The following NPM2 variants were observed in gnomAD, a reference collection of about 807,000 sequenced individuals.
The protein encoded by NPM2 is nucleophosmin/nucleoplasmin 2, also known as nucleoplasmin-2.
NPM2 carries 25 observed loss-of-function variants against 32.0 expected under a neutral mutation model. That is an observed-to-expected ratio of 0.78 (90% CI 0.57 to 1.09). The LOEUF is 1.09. Among genes scored for constraint, NPM2 ranks in the 50% least tolerant of loss-of-function variants. The probability of loss-of-function intolerance (pLI) is 0.00; values close to 1 mark genes in which losing one functional copy is unlikely to be tolerated. For missense variants in NPM2, 282 were observed against 259.9 expected (o/e 1.08, Z -0.58); for synonymous variants, 111 against 94.2 (o/e 1.18, Z -1.04).
rs763309231 is a variant in NPM2, at chr8:22,034,130, AGGAGGAGGAGGAAGAAGAAGG to A, written c.402_422del (p.Gly136_Glu142del). On this transcript the variant is annotated inframe_deletion, in exon 7 of 10. Transcript: ENST00000518119. ...ACAGAAGCATCAGACCTAACCTGGGAGGAGGAGGAGGAAGAAGAAGGGGAGGAGGAGGAAGAGGAAGAGGAA... is the reference window on the plus strand; with the variant it reads ...ACAGAAGCATCAGACCTAACCTGGGAGGAGGAGGAGGAAGAGGAAGAGGAA... 8 of 1,591,470 alleles carry A rather than the reference AGGAGGAGGAGGAAGAAGAAGG, an allele frequency of 5.0e-6. No homozygotes were observed. The Admixed American group carries it at 6.8e-5, about 14-fold the overall frequency.
At chr8:22,026,454 C>CTTTTTTTTTTTTTT (rs1171179196) in intron 5 of NPM2, among the ~76,000 whole-genome samples, 1 of 111,394 alleles carries the variant, frequency 9.0e-6, no homozygotes, top group Non-Finnish European at 1.8e-5. Context: ...CAGTTCTTGC[C>CTTTTTTTTTTTTTT]TTTTTTTTTT....
rs1335490939 is a variant in NPM2, at chr8:22,025,782, T to G, written c.270+10T>G. ...CTCAGTCCTCCCCATGGTGCGCATT[T>G]CCCTGCTGGCTGGAAGACTGCTGTC... On this transcript the variant is annotated intron_variant, in intron 5 of 9. Transcript: ENST00000518119. 2 of 1,613,736 alleles carry G rather than the reference T, an allele frequency of 1.2e-6. No individual in the cohort carries two copies. Among genetic ancestry groups the G allele is most frequent in the Admixed American group, 3.3e-5 (2 of 59,990 alleles).
At chr8:22,028,079 C>T (rs114111004) in intron 5 of NPM2, among the ~76,000 whole-genome samples, 5,663 of 152,250 alleles carry the variant, frequency 0.037, 341 homozygotes, top group African/African-American at 0.13. Flanking sequence ...GGTCTACCTA[C>T]CATCACATGG....
intron 5 of NPM2, among the ~76,000 whole-genome samples, chr8:22,026,606 C>A (rs1267804568): frequency 6.6e-6 from 1 of 152,050 alleles, no homozygotes; most frequent in African/African-American, 2.4e-5. Context: ...AGGTGTGCAC[C>A]ACCATGCCTG....
In NPM2 at chr8:22,036,656, G is replaced by A. The variant is rs1245413678; in HGVS notation, c.619G>A (p.Ala207Thr). Residue 207 changes from alanine to threonine, a missense_variant, in exon 10 of 10, where the codon GCC becomes ACC. Ala to Thr is a moderately conservative substitution (Grantham distance 58). Coordinates refer to ENST00000518119, the MANE Select transcript of NPM2 (RefSeq NM_001286680.2). ...PVKKAKATAR[A>T]KKPGFKK is the part of the protein sequence containing the mutation. ...TCCACAGGCCAAAGCCACAGCCAGA[G>A]CCAAGAAGCCAGGATTCAAGAAATG... 2 of 1,549,282 alleles carry A rather than the reference G, an allele frequency of 1.3e-6. No individual in the cohort carries two copies. The highest frequency in any genetic ancestry group is 4.0e-5 in the Admixed American group (2 of 50,152).
At chr8:22,036,556 G>C (rs1800629405) in intron 9 of NPM2, 30 bp downstream of exon 9, 1 of 1,582,934 alleles carries the variant, frequency 6.3e-7, no homozygotes, top group East Asian at 2.3e-5. Flanking sequence ...TTTGGCCCTT[G>C]GGACAGGCGA....
In NPM2 at chr8:22,025,247, C is replaced by T; in HGVS notation, c.-2C>T. ...GGCCAGCCCGCTTCTCTGCCCGGAGCCATGAATCTCAGTAGCGCCAGTAGC... is the reference window on the plus strand; with the variant it reads ...GGCCAGCCCGCTTCTCTGCCCGGAGTCATGAATCTCAGTAGCGCCAGTAGC... On this transcript the variant is annotated 5_prime_UTR_variant, in exon 3 of 10. Coordinates refer to ENST00000518119, the MANE Select transcript of NPM2 (RefSeq NM_001286680.2). 1 of 1,611,620 alleles carries T rather than the reference C, an allele frequency of 6.2e-7. No homozygotes were observed. Among genetic ancestry groups the T allele is most frequent in the Non-Finnish European group, 8.5e-7 (1 of 1,179,304 alleles).
Position 22,034,507 on chromosome 8 carries a change from C to T in NPM2, c.532-3C>T. The T allele has an allele frequency of 1.2e-6, 2 of 1,608,346 alleles. No homozygotes were observed. The highest frequency in any genetic ancestry group is 1.7e-6 in the Non-Finnish European group (2 of 1,177,124). On this transcript the variant is annotated splice_region_variant and splice_polypyrimidine_tract_variant and intron_variant, in intron 7 of 9. Transcript: ENST00000518119. ...TCATAATACACTGTTTTTTGGTTCC[C>T]AGAAAAAAAAGCTGGAAAAAGAAGA...
intron 5 of NPM2, among the ~76,000 whole-genome samples, chr8:22,027,585 GT>G (rs1800296661): frequency 6.7e-6 from 1 of 150,338 alleles, no homozygotes. Context: ...TGTTTTTCCA[GT>G]TAGCCAAGAC....
At chr8:22,028,596 C>G (rs1800334646) in intron 5 of NPM2, among the ~76,000 whole-genome samples, 1 of 151,654 alleles carries the variant, frequency 6.6e-6, no homozygotes, top group Non-Finnish European at 1.5e-5. Flanking sequence ...TCCCAAAGTG[C>G]TGAGATTATA....
intron 8 of NPM2, 101 bp downstream of exon 8, chr8:22,034,645 C>CGT: frequency 1.8e-5 from 18 of 984,514 alleles, no homozygotes; most frequent in Non-Finnish European, 2.8e-5. Context: ...CAAATGTACA[C>CGT]ACGGTGTGTC....
rs1490527144 is a variant in NPM2, at chr8:22,036,320, G to GTA, written c.567-171_567-170dup. 7 of 589,354 alleles carry GTA rather than the reference G, an allele frequency of 1.2e-5. No individual in the cohort carries two copies. The East Asian group carries it at 2.0e-4, about 17-fold the overall frequency. 36.5% of individuals were successfully genotyped at this position (589,354 alleles called of 1,614,324 possible). A position where few individuals can be genotyped will look rare whatever the true frequency, so the allele number is the denominator to read the frequency against. On this transcript the variant is annotated intron_variant, in intron 8 of 9. Transcript: ENST00000518119. Reference sequence around the variant, plus strand: ...GGAAGCCTAAGGAAAACACATATGCGTATGCATGCACACGCACACACATCC... The same window carrying GTA: ...GGAAGCCTAAGGAAAACACATATGCGTATATGCATGCACACGCACACACATCC...
chr8:22,028,020 C>G (rs1295588567), intron 5 of NPM2, among the ~76,000 whole-genome samples: 1 of 152,200 alleles, frequency 6.6e-6, no homozygotes, highest in Non-Finnish European at 1.5e-5. Context: ...ACCCCTGGTA[C>G]AGGTGACAGT....
rs1450235476 is a variant in NPM2 at position 22,034,272 on chromosome 8, T to A, written c.528T>A (p.Ala176=). The change falls in exon 7 of 10, where the codon GCT becomes GCA. Residue 176 remains alanine (A), a synonymous_variant. Coordinates refer to ENST00000518119, the MANE Select transcript of NPM2 (RefSeq NM_001286680.2). ...RLVPQKQASV[A]KKKKLEKEEE... Reference sequence around the variant, plus strand: ...TGCCCCAGAAGCAGGCGAGCGTGGCTAAGGTGGGGGAAGGAGCGTGGCTGT... The same window carrying A: ...TGCCCCAGAAGCAGGCGAGCGTGGCAAAGGTGGGGGAAGGAGCGTGGCTGT... 3.1e-6 allele frequency: 5 copies of A among 1,588,272 alleles called. No individual in the cohort carries two copies. The South Asian group carries it at 5.8e-5, about 19-fold the overall frequency.
intron 5 of NPM2, among the ~76,000 whole-genome samples, chr8:22,028,341 A>ATTTTT (rs36012479): frequency 3.1e-5 from 2 of 65,568 alleles, no homozygotes; most frequent in Non-Finnish European, 5.7e-5. Flanking sequence ...TGCCAAAAAG[A>ATTTTT]TTTTTTTTTT....
Position 22,034,143 on chromosome 8 carries a change from A to G in NPM2, c.399A>G (p.Glu133=), listed in dbSNP as rs1246643390. 18 of 1,609,266 alleles carry G rather than the reference A, an allele frequency of 1.1e-5. No homozygotes were observed. Among genetic ancestry groups the G allele is most frequent in the Non-Finnish European group, 1.5e-5 (18 of 1,178,132 alleles). The stretch of plus-strand genomic sequence containing the variant: ...ACCTAACCTGGGAGGAGGAGGAGGA[A>G]GAAGAAGGGGAGGAGGAGGAAGAGG... ...ASDLTWEEEE[E]EEGEEEEEEE... The change falls in exon 7 of 10, where the codon GAA becomes GAG. Residue 133 remains glutamate, a synonymous_variant. Coordinates refer to ENST00000518119, the MANE Select transcript of NPM2 (RefSeq NM_001286680.2).
At chr8:22,036,360 T>A (rs1800620275) in intron 8 of NPM2, 133 bp from the exon 9 acceptor site, 1 of 763,902 alleles carries the variant, frequency 1.3e-6, no homozygotes, top group South Asian at 1.8e-5. Flanking sequence ...GTTTAAAGAG[T>A]CCGAGTGGTC....
intron 8 of NPM2, chr8:22,036,208 C>T: frequency 2.6e-6 from 1 of 384,822 alleles, no homozygotes; most frequent in South Asian, 3.5e-5. Flanking sequence ...GTGATAGTGT[C>T]ACTGCACTCC....
chr8:22,033,065 G>A lies in NPM2; in HGVS notation c.271-65G>A, dbSNP rs1800491795. On this transcript the variant is annotated intron_variant, in intron 5 of 9. Transcript: ENST00000518119. ...GGAAATCAACTCAGTATTTCTGCCT[G>A]AGGCTAGTCCCCGAGAGGTGCCAGG... 26 of 1,178,050 alleles carry A rather than the reference G, an allele frequency of 2.2e-5. No individual in the cohort carries two copies. The Middle Eastern group carries it at 5.8e-4, about 26-fold the overall frequency. The allele number at this position is 1,178,050 out of a possible 1,614,324, so 73.0% of individuals were successfully genotyped here. A position where few individuals can be genotyped will look rare whatever the true frequency, so the allele number is the denominator to read the frequency against.
Sources: gnomAD v4.1 joint callset for allele counts (sites outside exome capture counted in the v4.1 genomes callset) on GRCh38, gnomAD v4.1.1 for gene constraint, MANE v1.5 for transcripts, NCBI Gene and HGNC (gene_info 2026-07-23, HGNC 2026-07-21) for gene names.